Variants in SPATA6 observed in about 807,000 individuals in gnomAD.
SPATA6 encodes spermatogenesis-associated protein 6.
SPATA6 carries 56 observed loss-of-function variants against 65.3 expected under a neutral mutation model. The ratio of observed to expected loss-of-function variants is 0.86; its 90% CI spans 0.69 to 1.07. The LOEUF (loss-of-function observed/expected upper bound fraction) is 1.07. Ranked by LOEUF, SPATA6 falls within the 50% of genes least tolerant of loss-of-function variation. The pLI is 0.00. For missense variants in SPATA6, 590 were observed against 594.8 expected (o/e 0.99, Z 0.08); for synonymous variants, 199 against 213.2 (o/e 0.93, Z 0.58).
chr1:48,435,983 G>A lies in SPATA6; in HGVS notation c.238+15569C>T, dbSNP rs1369978622. The A allele has an allele frequency of 2.5e-6, 4 of 1,603,442 alleles. No individual in the cohort carries two copies. In the African/African-American group the frequency reaches 5.4e-5, roughly 21 times the overall value. ...AGTGATTCAATGTCTCTTTTGGATT[G>A]CTTCTGCACTTCAAGAACACAAGAT... On this transcript the variant is annotated intron_variant, in intron 3 of 12. Transcript: ENST00000371847.
At chr1:48,280,602 C>T in the SPATA6 span, among the ~76,000 whole-genome samples, 2 of 152,102 alleles carry the variant, frequency 1.3e-5, no homozygotes, top group African/African-American at 2.4e-5. Flanking sequence ...ATAAATTCCT[C>T]GACACATACA....
chr1:48,357,541 G>T (rs1406261552), intron 10 of SPATA6, among the ~76,000 whole-genome samples: 3 of 152,008 alleles, frequency 2.0e-5, no homozygotes, highest in Admixed American at 2.0e-4. Flanking sequence ...TCCTATAACT[G>T]TATGTTCTGT....
intron 11 of SPATA6, among the ~76,000 whole-genome samples, chr1:48,322,914 C>T (rs139704285): frequency 6.6e-6 from 1 of 152,050 alleles, no homozygotes; most frequent in East Asian, 1.9e-4. Context: ...TAAAAAGTCA[C>T]GAAATAACAG....
At chr1:48,375,841 C>T (rs1263451255) in intron 9 of SPATA6, among the ~76,000 whole-genome samples, 1 of 152,108 alleles carries the variant, frequency 6.6e-6, no homozygotes, top group Non-Finnish European at 1.5e-5. Context: ...TTTAGACTTG[C>T]AATGGCAACT....
chr1:48,410,610 A>C (rs547664836), intron 5 of SPATA6, among the ~76,000 whole-genome samples: 14 of 152,208 alleles, frequency 9.2e-5, no homozygotes, highest in Non-Finnish European at 7.3e-5. Flanking sequence ...TAACTGACTC[A>C]CAGTTTTACA....
At chr1:48,370,817 G>T (rs1647218787) in intron 9 of SPATA6, among the ~76,000 whole-genome samples, 1 of 152,170 alleles carries the variant, frequency 6.6e-6, no homozygotes, top group Non-Finnish European at 1.5e-5. Flanking sequence ...GAAACAAATT[G>T]CAAACTCTCA....
In SPATA6 at chr1:48,427,546, G is replaced by A. The variant is rs150615115; in HGVS notation, c.239-14395C>T. ...ATAAGACTTATAGAATATATACAAC[G>A]AATTTAAAGAAAAACAACCTAATTT... On this transcript the variant is annotated intron_variant, in intron 3 of 12. Coordinates refer to ENST00000371847, the MANE Select transcript of SPATA6 (RefSeq NM_019073.4). 4.6e-3 allele frequency among the ~76,000 whole-genome samples: 694 copies of A among 151,042 alleles called. 3 individuals carry two copies. The highest frequency in any genetic ancestry group is 0.015 in the African/African-American group (616 of 41,144).
intron 8 of SPATA6, among the ~76,000 whole-genome samples, chr1:48,389,614 T>C (rs1409041876): frequency 6.6e-6 from 1 of 152,110 alleles, no homozygotes. Flanking sequence ...AGGAATGGGA[T>C]GATAAATTCA....
At chr1:48,264,508 A>G in the SPATA6 span, among the ~76,000 whole-genome samples, 1 of 152,082 alleles carries the variant, frequency 6.6e-6, no homozygotes, top group Admixed American at 6.5e-5. Context: ...TCCTAATGCT[A>G]TCCCTCCCCT....
At chr1:48,357,842 G>A (rs544061385) in intron 10 of SPATA6, among the ~76,000 whole-genome samples, 1 of 152,090 alleles carries the variant, frequency 6.6e-6, no homozygotes, top group East Asian at 1.9e-4. Flanking sequence ...CTGCTTTAGC[G>A]AAAGTAAAAA....
chr1:48,429,133 CAAA>C (rs796484656), intron 3 of SPATA6, among the ~76,000 whole-genome samples: 1 of 132,860 alleles, frequency 7.5e-6, no homozygotes. Flanking sequence ...CCAGGATGGG[CAAA>C]AAAAAAAAAA....
chr1:48,320,656 A>G (rs1645574557), intron 11 of SPATA6, among the ~76,000 whole-genome samples: 1 of 152,230 alleles, frequency 6.6e-6, no homozygotes, highest in Non-Finnish European at 1.5e-5. Flanking sequence ...TTAATGAGCA[A>G]TAACAAATCA....
At chr1:48,328,979 T>C (rs1645841799) in intron 11 of SPATA6, among the ~76,000 whole-genome samples, 1 of 152,188 alleles carries the variant, frequency 6.6e-6, no homozygotes. Context: ...CCCTCTATAT[T>C]GTACACTTGT....
intron 1 of SPATA6, among the ~76,000 whole-genome samples, chr1:48,468,416 C>T (rs1657972775): frequency 6.6e-6 from 1 of 152,174 alleles, no homozygotes; most frequent in Admixed American, 6.5e-5. Flanking sequence ...GTGTATACTA[C>T]AATATATTTA....
chr1:48,285,339 A>C, the SPATA6 span, among the ~76,000 whole-genome samples: 2 of 152,090 alleles, frequency 1.3e-5, no homozygotes, highest in Non-Finnish European at 2.9e-5. Flanking sequence ...CAGAATTTCA[A>C]GCCAGTGGAT....
the SPATA6 span, among the ~76,000 whole-genome samples, chr1:48,280,250 C>T: frequency 6.6e-6 from 1 of 152,092 alleles, no homozygotes; most frequent in Non-Finnish European, 1.5e-5. Context: ...AAAATTGACA[C>T]CCTAACATCA....
chr1:48,375,320 T>G (rs1647761198), intron 9 of SPATA6, among the ~76,000 whole-genome samples: 1 of 152,156 alleles, frequency 6.6e-6, no homozygotes, highest in Non-Finnish European at 1.5e-5. Flanking sequence ...AATATGTATC[T>G]CTTTGTCTTT....
chr1:48,281,295 A>G, the SPATA6 span, among the ~76,000 whole-genome samples: 1 of 151,170 alleles, frequency 6.6e-6, no homozygotes, highest in South Asian at 2.1e-4. Context: ...GCCCTCTCTC[A>G]CCACTCCTAT....
intron 8 of SPATA6, among the ~76,000 whole-genome samples, chr1:48,388,001 T>A (rs1263392868): frequency 6.6e-6 from 1 of 152,138 alleles, no homozygotes; most frequent in Non-Finnish European, 1.5e-5. Context: ...TACCAGCATC[T>A]GAGTAGGCCA....
Sources: gnomAD v4.1 joint callset for allele counts (sites outside exome capture counted in the v4.1 genomes callset) on GRCh38, gnomAD v4.1.1 for gene constraint, MANE v1.5 for transcripts, NCBI Gene and HGNC (gene_info 2026-07-23, HGNC 2026-07-21) for gene names.